GATB: variants seen among roughly 807,000 people sequenced by gnomAD.
GATB encodes glutamyl-tRNA(Gln) amidotransferase subunit B, mitochondrial.
In GATB, 39 loss-of-function variants were observed where a neutral mutation model predicts 62.3. That is an observed-to-expected ratio of 0.63 (90% CI 0.48 to 0.82). The LOEUF is 0.82. Ranked by LOEUF, GATB falls within the 40% of genes least tolerant of loss-of-function variation. The pLI is 0.00. For missense variants in GATB, 670 were observed against 684.0 expected (o/e 0.98, Z 0.23); for synonymous variants, 276 against 258.9 (o/e 1.07, Z -0.63).
At chr4:151,705,531 G>C (rs2126971301) in intron 6 of GATB, among the ~76,000 whole-genome samples, 1 of 152,178 alleles carries the variant, frequency 6.6e-6, no homozygotes, top group East Asian at 1.9e-4. Flanking sequence ...ACCCCATGCA[G>C]ATGACATGAC....
At chr4:151,756,546 T>C (rs957712802) in intron 2 of GATB, among the ~76,000 whole-genome samples, 2 of 152,176 alleles carry the variant, frequency 1.3e-5, no homozygotes, top group Non-Finnish European at 2.9e-5. Flanking sequence ...ATAACCCATC[T>C]AGGCTACTTA....
chr4:151,746,903 G>T (rs961380167), intron 2 of GATB, among the ~76,000 whole-genome samples: 1 of 151,952 alleles, frequency 6.6e-6, no homozygotes, highest in Non-Finnish European at 1.5e-5. Context: ...ATGTGTACAT[G>T]CCCAGAGCCA....
At chr4:151,706,272 T>G (rs1042250686) in intron 6 of GATB, among the ~76,000 whole-genome samples, 1 of 152,064 alleles carries the variant, frequency 6.6e-6, no homozygotes, top group Non-Finnish European at 1.5e-5. Flanking sequence ...CACAGGGAGA[T>G]TTCTCCCTCA....
chr4:151,725,587 A>G (rs997193763), intron 2 of GATB, among the ~76,000 whole-genome samples: 40 of 152,366 alleles, frequency 2.6e-4, no homozygotes, highest in African/African-American at 7.5e-4. Context: ...AACATTTGTG[A>G]TAACTCATCT....
intron 2 of GATB, among the ~76,000 whole-genome samples, chr4:151,737,484 C>A (rs1739399216): frequency 1.3e-5 from 2 of 152,210 alleles, no homozygotes; most frequent in Admixed American, 1.3e-4. Context: ...GGAAAATTTG[C>A]AGCCTGACAA....
chr4:151,683,179 C>G (rs6840678), intron 10 of GATB, among the ~76,000 whole-genome samples: 90,754 of 152,040 alleles, frequency 0.6, 29,627 homozygotes, highest in African/African-American at 0.88. Context: ...TCACTTGCGT[C>G]TGCCCAGTTT....
At chr4:151,672,722 G>A (rs1462294159) in intron 12 of GATB, 40 bp downstream of exon 12, 1 of 1,603,548 alleles carries the variant, frequency 6.2e-7, no homozygotes, top group Non-Finnish European at 8.5e-7. Context: ...GGCATGTCCT[G>A]GGGCTGGCTC....
intron 2 of GATB, among the ~76,000 whole-genome samples, chr4:151,726,804 T>C (rs987932403): frequency 6.6e-6 from 1 of 152,218 alleles, no homozygotes; most frequent in Non-Finnish European, 1.5e-5. Context: ...CCCATTTTTC[T>C]CATCTGGGAT....
At chr4:151,732,060 G>GTCAGCCCCCACCCGGCCAGCCGCCCC (rs1739274762) in intron 2 of GATB, among the ~76,000 whole-genome samples, 1 of 143,688 alleles carries the variant, frequency 7.0e-6, no homozygotes. Context: ...GAGGTGGGGG[G>GTCAGCCCCCACCCGGCCAGCCGCCCC]GTCAGCCCCC....
chr4:151,685,142 G>A (rs1282297601), intron 10 of GATB, among the ~76,000 whole-genome samples: 2 of 152,162 alleles, frequency 1.3e-5, no homozygotes, highest in Non-Finnish European at 2.9e-5. Flanking sequence ...GAAAAACTAA[G>A]TTTAAAGCTA....
At chr4:151,726,441 T>C (rs1027856689) in intron 2 of GATB, among the ~76,000 whole-genome samples, 49 of 152,248 alleles carry the variant, frequency 3.2e-4, no homozygotes, top group African/African-American at 1.2e-3. Flanking sequence ...AGTGGAATTT[T>C]ACCATCCAAA....
At chr4:151,719,083 A>G (rs989808943) in intron 3 of GATB, among the ~76,000 whole-genome samples, 3 of 152,252 alleles carry the variant, frequency 2.0e-5, no homozygotes, top group Non-Finnish European at 2.9e-5. Context: ...TTACTGTTGC[A>G]TCAGCCAGAG....
chr4:151,712,643 A>T (rs1738840618), intron 5 of GATB, among the ~76,000 whole-genome samples: 1 of 151,952 alleles, frequency 6.6e-6, no homozygotes, highest in Non-Finnish European at 1.5e-5. Flanking sequence ...GGTTTGACCA[A>T]AAAAAAAGCG....
chr4:151,718,190 T>C (rs1386087099), intron 3 of GATB, among the ~76,000 whole-genome samples: 1 of 152,202 alleles, frequency 6.6e-6, no homozygotes, highest in Admixed American at 6.5e-5. Context: ...ATGATGTCAG[T>C]GCCCTGGGGA....
At chr4:151,741,810 TG>T (rs796881449) in intron 2 of GATB, among the ~76,000 whole-genome samples, 10 of 152,226 alleles carry the variant, frequency 6.6e-5, no homozygotes, top group African/African-American at 2.2e-4. Context: ...TTAGGAGGAG[TG>T]AGATGGCATC....
At chr4:151,722,055 A>G (rs1739042616) in intron 2 of GATB, 1 of 620,912 alleles carries the variant, frequency 1.6e-6, no homozygotes, top group African/African-American at 1.8e-5. Context: ...ACAGATGCAC[A>G]GAGGGCCCAG....
chr4:151,712,223 G>A (rs1738832282), intron 5 of GATB, among the ~76,000 whole-genome samples: 1 of 152,076 alleles, frequency 6.6e-6, no homozygotes, highest in Non-Finnish European at 1.5e-5. Context: ...TCACCAGCCT[G>A]GATTCAAATG....
chr4:151,693,258 G>C (rs1255637531), intron 9 of GATB, among the ~76,000 whole-genome samples: 1 of 152,228 alleles, frequency 6.6e-6, no homozygotes, highest in Non-Finnish European at 1.5e-5. Context: ...GGACAGTGAT[G>C]GCTCTCAGCC....
chr4:151,749,469 T>A (rs1578940964), intron 2 of GATB, among the ~76,000 whole-genome samples: 1 of 139,050 alleles, frequency 7.2e-6, no homozygotes, highest in East Asian at 2.1e-4. Context: ...ATAAGAACAC[T>A]TGGACACAGG....
Sources: allele counts gnomAD v4.1 joint callset (sites outside exome capture counted in the v4.1 genomes callset), GRCh38; gene constraint gnomAD v4.1.1; transcripts MANE v1.5; gene names NCBI Gene and HGNC (gene_info 2026-07-23, HGNC 2026-07-21).